The following CEP44 variants were observed in gnomAD, a reference collection of about 807,000 sequenced individuals.
CEP44 encodes the protein centrosomal protein of 44 kDa.
Under a neutral mutation model 46.7 loss-of-function variants are expected in CEP44, and 45 were observed. The observed-to-expected ratio is 0.96, with a 90% CI of 0.76 to 1.24. CEP44 has a LOEUF of 1.24. Ranked by LOEUF, CEP44 falls within the 50% of genes most tolerant of loss-of-function variation. CEP44 has a pLI of 0.00. For missense variants in CEP44, 475 were observed against 459.7 expected (o/e 1.03, Z -0.30); for synonymous variants, 142 against 146.0 (o/e 0.97, Z 0.20).
intron 1 of CEP44, among the ~76,000 whole-genome samples, chr4:174,294,493 T>G (rs1738617610): frequency 6.6e-6 from 1 of 151,104 alleles, no homozygotes. Context: ...TTTCCCCGCC[T>G]TTCCCCCCTT....
At chr4:174,315,828 G>A (rs1741622937) in intron 9 of CEP44, among the ~76,000 whole-genome samples, 2 of 131,118 alleles carry the variant, frequency 1.5e-5, no homozygotes, top group African/African-American at 2.9e-5. Context: ...GCGACAGAGC[G>A]AGACTCCGTC....
exon 9 of CEP44, chr4:174,332,861 G>A (rs571529767): frequency 6.6e-6 from 1 of 152,122 alleles, no homozygotes; most frequent in African/African-American, 2.4e-5. Context: ...ATGATGCTTA[G>A]GTTTGAACCT....
intron 1 of CEP44, among the ~76,000 whole-genome samples, chr4:174,291,492 T>G (rs898113037): frequency 5.9e-5 from 9 of 152,276 alleles, no homozygotes; most frequent in South Asian, 2.1e-4. Flanking sequence ...TTTCTGTGGT[T>G]GTTGTAGTTA....
At chr4:174,321,937 T>C (rs1253797312), downstream of CEP44, among the ~76,000 whole-genome samples, 1 of 152,152 alleles carries the variant, frequency 6.6e-6, no homozygotes, top group Non-Finnish European at 1.5e-5. Context: ...TCTTAAACTT[T>C]ACCCAATCAA....
In CEP44 at chr4:174,312,412, T is replaced by C. The variant is rs1305198492; in HGVS notation, c.961+1554T>C. ...TTAAAGTGATCCTCCTTTCTCAGCC[T>C]CCTGAGTAGCTGGGACTACAGGTAC... is the stretch of plus-strand genomic sequence containing the variant. On this transcript the variant is annotated intron_variant, in intron 9 of 11. Coordinates refer to ENST00000503780, the MANE Select transcript of CEP44 (RefSeq NM_001040157.3). The surrounding 1 kb of genome is among the most constrained non-coding windows in gnomAD (Gnocchi z 4.5). Among the ~76,000 whole-genome samples, 1 of 152,096 alleles carries C rather than the reference T, an allele frequency of 6.6e-6. No homozygotes were observed. Among genetic ancestry groups the C allele is most frequent in the East Asian group, 1.9e-4 (1 of 5,178 alleles).
In CEP44 at chr4:174,331,701, TCAGCTC is replaced by T; in HGVS notation, c.*113_*118del. 1 of 1,418,736 alleles carries T rather than the reference TCAGCTC, an allele frequency of 7.0e-7. No homozygotes were observed. The highest frequency in any genetic ancestry group is 9.4e-7 in the Non-Finnish European group (1 of 1,066,958). The allele number at this position is 1,418,736 out of a possible 1,614,324, so 87.9% of individuals were successfully genotyped here. A position where few individuals can be genotyped will look rare whatever the true frequency, so the allele number is the denominator to read the frequency against. On this transcript the variant is annotated 3_prime_UTR_variant, in exon 9 of 9. Transcript: ENST00000426172. This position sits in a 1 kb window ranked among gnomAD's most constrained non-coding sequence, Gnocchi z 4.5. ...TTCTGCCTGGAAACCAGCTTCCTCC[TCAGCTC>T]CAGCTCTTTTAATGGGCATATCAAA... is the stretch of plus-strand genomic sequence containing the variant.
rs200096564 is a variant in CEP44, at chr4:174,319,075, C to CTAGAT, written c.*1694_*1698dup. ...TCGCCCACCTGGATGTCCCAAAGTG[C>CTAGAT]TAGATTCCATGGGTGAGTCACCATG... On this transcript the variant is annotated 3_prime_UTR_variant, in exon 12 of 12. Coordinates refer to ENST00000503780, the MANE Select transcript of CEP44 (RefSeq NM_001040157.3). 2,104 of 912,360 alleles carry CTAGAT rather than the reference C, an allele frequency of 2.3e-3. 178 individuals carry two copies. The Admixed American group carries it at 0.12, about 51-fold the overall frequency. The allele number at this position is 912,360 out of a possible 1,614,324, so 56.5% of individuals were successfully genotyped here.
chr4:174,309,288 T>C lies in CEP44; in HGVS notation c.678+429T>C, dbSNP rs1271864074. On this transcript the variant is annotated intron_variant, in intron 7 of 11. Transcript: ENST00000503780. This position sits in a 1 kb window ranked among gnomAD's most constrained non-coding sequence, Gnocchi z 5.3. Reference sequence around the variant, plus strand: ...TCTCTTAAAAAACCATTTCTATTACTCTTAATTGCCACAGACCCCAATATG... The same window carrying C: ...TCTCTTAAAAAACCATTTCTATTACCCTTAATTGCCACAGACCCCAATATG... Among the ~76,000 whole-genome samples, 1 of 152,088 alleles carries C rather than the reference T, an allele frequency of 6.6e-6. No individual in the cohort carries two copies. The highest frequency in any genetic ancestry group is 1.5e-5 in the Non-Finnish European group (1 of 67,948).
Position 174,308,858 on chromosome 4 carries a change from A to G in CEP44, c.677A>G (p.Gln226Arg). ...GTTCCTGAAATCAAGGCTGAGCAAC[A>G]GGTAACAACTTTGGACTTTTTAAAT... The part of the protein sequence containing the change: ...VKVPEIKAEQ[Q>R]DVNVNPEITA... The change falls in exon 7 of 12, where the codon CAG (glutamine) becomes CGG (arginine). Residue 226 changes from glutamine (Q) to arginine (R), a missense_variant and splice_region_variant. Gln to Arg is a conservative substitution (Grantham distance 43, BLOSUM62 1). Transcript: ENST00000503780. 1 of 1,611,476 alleles carries G rather than the reference A, an allele frequency of 6.2e-7. No homozygotes were observed. The highest frequency in any genetic ancestry group is 8.5e-7 in the Non-Finnish European group (1 of 1,178,826).
At chr4:174,332,292 A>G (rs1211470175) in exon 9 of CEP44, 1 of 152,214 alleles carries the variant, frequency 6.6e-6, no homozygotes, top group Admixed American at 6.5e-5. Context: ...CCTTATACCT[A>G]AGACCTCTAT....
At position 174,289,545 on chromosome 4, in the gene CEP44, A is replaced by C. The variant is rs543877383; in HGVS notation, c.-148+5602A>C. On this transcript the variant is annotated intron_variant, in intron 1 of 11. Transcript: ENST00000503780. ...CCAATTTGATGGCATATAATTGTTC[A>C]TAATAGTCCCTTATGATACTTTTTA... Among the ~76,000 whole-genome samples, 5 of 151,928 alleles carry C rather than the reference A, an allele frequency of 3.3e-5. No homozygotes were observed. In the South Asian group the frequency reaches 6.2e-4, roughly 19 times the overall value.
chr4:174,300,720 C>T (rs950541735), intron 3 of CEP44, among the ~76,000 whole-genome samples: 1 of 152,010 alleles, frequency 6.6e-6, no homozygotes, highest in Non-Finnish European at 1.5e-5. Flanking sequence ...ACACAACACC[C>T]CCATCATTTT....
chr4:174,315,592 GCAT>G (rs1313881554), intron 9 of CEP44, among the ~76,000 whole-genome samples: 6 of 151,968 alleles, frequency 3.9e-5, no homozygotes, highest in Non-Finnish European at 8.8e-5. Context: ...CTGAATAAAA[GCAT>G]CATGACAAAT....
chr4:174,319,343 C>G lies in CEP44; in HGVS notation c.*1960C>G, dbSNP rs1427089554. ...TCGATTAACTCCTAAAATATCAGTACCAGCATGGAATTATAGCACCACCTT... is the reference window on the plus strand; with the variant it reads ...TCGATTAACTCCTAAAATATCAGTAGCAGCATGGAATTATAGCACCACCTT... On this transcript the variant is annotated 3_prime_UTR_variant, in exon 12 of 12. Coordinates refer to ENST00000503780, the MANE Select transcript of CEP44 (RefSeq NM_001040157.3). 5.1e-6 allele frequency: 5 copies of G among 984,392 alleles called. No homozygotes were observed. In the African/African-American group the frequency reaches 7.0e-5, roughly 14 times the overall value. 61.0% of individuals were successfully genotyped at this position (984,392 alleles called of 1,614,324 possible). A position where few individuals can be genotyped will look rare whatever the true frequency, so the allele number is the denominator to read the frequency against.
intron 8 of CEP44, among the ~76,000 whole-genome samples, chr4:174,328,450 A>G (rs1731119221): frequency 6.6e-6 from 1 of 152,234 alleles, no homozygotes; most frequent in African/African-American, 2.4e-5. Flanking sequence ...TGGAATTGAT[A>G]CAGTGATTTG....
At position 174,331,459 on chromosome 4, in the gene CEP44, A is replaced by G; in HGVS notation, c.1087-23A>G. ...ATGCATTTAGATCATATTTTAATGT[A>G]TAATTTTGTGTTTCCTTTCTAGAAT... On this transcript the variant is annotated intron_variant, in intron 8 of 8. Coordinates refer to the CEP44 transcript ENST00000426172. The surrounding 1 kb of genome is among the most constrained non-coding windows in gnomAD (Gnocchi z 4.5). 1.9e-6 allele frequency: 3 copies of G among 1,550,716 alleles called. No homozygotes were observed. Among genetic ancestry groups the G allele is most frequent in the Non-Finnish European group, 2.6e-6 (3 of 1,146,502 alleles).
At chr4:174,292,150 T>G (rs1738306546) in intron 1 of CEP44, among the ~76,000 whole-genome samples, 1 of 152,130 alleles carries the variant, frequency 6.6e-6, no homozygotes, top group Admixed American at 6.6e-5. Context: ...GGCAGGTTTC[T>G]TTTTTTACTT....
rs1742656578 is a variant in CEP44, at chr4:174,326,223, T to C, written c.1087-5259T>C. Among the ~76,000 whole-genome samples, 1 of 150,994 alleles carries C rather than the reference T, an allele frequency of 6.6e-6. No homozygotes were observed. Among genetic ancestry groups the C allele is most frequent in the Admixed American group, 6.6e-5 (1 of 15,106 alleles). ...GCTTATGAAGTATCCTGTGTGTGTA[T>C]GTGTGTGTGTGTGTCTGTGTGTGTG... On this transcript the variant is annotated intron_variant, in intron 8 of 8. Transcript: ENST00000426172. The surrounding 1 kb of genome is among the most constrained non-coding windows in gnomAD (Gnocchi z 4.8).
chr4:174,327,214 A>C (rs915230598), intron 8 of CEP44, among the ~76,000 whole-genome samples: 1 of 150,458 alleles, frequency 6.6e-6, no homozygotes, highest in African/African-American at 2.4e-5. Context: ...GAGAAAAAAC[A>C]GATAAATGGT....
Sources: allele counts gnomAD v4.1 joint callset (sites outside exome capture counted in the v4.1 genomes callset), GRCh38; gene constraint gnomAD v4.1.1; non-coding constraint Gnocchi (gnomAD v3.1); transcripts MANE v1.5; gene names NCBI Gene and HGNC (gene_info 2026-07-23, HGNC 2026-07-21).